The following PER2 variants were observed in gnomAD, a reference collection of about 807,000 sequenced individuals.
The protein encoded by PER2 is period circadian protein homolog 2.
Under a neutral mutation model 121.0 loss-of-function variants are expected in PER2, and 66 were observed. That is an observed-to-expected ratio of 0.55 (90% CI 0.45 to 0.67). The LOEUF (loss-of-function observed/expected upper bound fraction) is 0.67, where lower values mean the gene tolerates loss of function less well. Ranked by LOEUF, PER2 falls within the 30% of genes least tolerant of loss-of-function variation. The pLI is 0.00. For synonymous variants in PER2, 684 were observed against 659.9 expected (o/e 1.04, Z -0.56); for missense variants, 1,521 against 1,635.0 (o/e 0.93, Z 1.20).
intron 1 of PER2, among the ~76,000 whole-genome samples, chr2:238,284,918 C>G (rs2106332154): frequency 6.6e-6 from 1 of 150,780 alleles, no homozygotes; most frequent in East Asian, 2.0e-4. Context: ...TCAAAGTGGA[C>G]TTTGCCTCCT....
At position 238,249,067 on chromosome 2, in the gene PER2, C is replaced by T. The variant is rs76355956; in HGVS notation, c.3613G>A (p.Val1205Met). ...QTGGLPAAIDVAECVYCENKE... is the reference protein window; with the variant it reads ...QTGGLPAAIDMAECVYCENKE... Reference sequence around the variant, plus strand: ...ATCGAGTCCCGTGAGCTTACTGCCACGTCGATGGCTGCGGGCAGGCCGCCC... The same window carrying T: ...ATCGAGTCCCGTGAGCTTACTGCCATGTCGATGGCTGCGGGCAGGCCGCCC... Residue 1205 changes from valine to methionine, a missense_variant, in exon 22 of 23, where the codon GTG (valine) becomes ATG (methionine). Val to Met is a conservative substitution (Grantham distance 21). Coordinates refer to ENST00000254657, the MANE Select transcript of PER2 (RefSeq NM_022817.3). 1,409 of 1,614,134 alleles carry T rather than the reference C, an allele frequency of 8.7e-4. 11 individuals are homozygous for T. The East Asian group carries it at 0.015, about 17-fold the overall frequency.
the PER2 span, among the ~76,000 whole-genome samples, chr2:238,297,352 A>G: frequency 7.9e-5 from 12 of 152,288 alleles, no homozygotes; most frequent in East Asian, 2.3e-3. Context: ...TGGGGCCAGG[A>G]GTCCCCCAGG....
intron 2 of PER2, 21 bp downstream of exon 2, chr2:238,277,686 C>G: frequency 6.2e-7 from 1 of 1,613,812 alleles, no homozygotes; most frequent in South Asian, 1.1e-5. Flanking sequence ...CAGCCTCCAT[C>G]TGGCCAGAGG....
chr2:238,275,030 G>A (rs533482854), intron 4 of PER2, among the ~76,000 whole-genome samples: 1 of 152,254 alleles, frequency 6.6e-6, no homozygotes, highest in Non-Finnish European at 1.5e-5. Flanking sequence ...CTTCAAATAC[G>A]AGTTTATACC....
chr2:238,274,563 T>C (rs895758061), intron 4 of PER2, among the ~76,000 whole-genome samples: 3 of 152,240 alleles, frequency 2.0e-5, no homozygotes, highest in Non-Finnish European at 4.4e-5. Context: ...GTGAAGTTAC[T>C]GTAGAGGCCA....
chr2:238,257,229 C>T, intron 16 of PER2, 143 bp from the exon 17 acceptor site: 4 of 671,578 alleles, frequency 6.0e-6, no homozygotes, highest in East Asian at 2.7e-5. Context: ...ATGCTCTGGC[C>T]CAGGCATGGG....
At chr2:238,297,108 A>G in the PER2 span, among the ~76,000 whole-genome samples, 1 of 152,206 alleles carries the variant, frequency 6.6e-6, no homozygotes, top group Non-Finnish European at 1.5e-5. Context: ...GGAGCAAAGA[A>G]CAGGGAGGAC....
chr2:238,248,754 C>G (rs113368758), intron 22 of PER2, among the ~76,000 whole-genome samples: 17,158 of 150,488 alleles, frequency 0.11, 1,279 homozygotes, highest in Admixed American at 0.18. Context: ...CTCCGGGGTT[C>G]CCGCCATTCT....
chr2:238,255,559 G>A (rs1421202401), intron 18 of PER2, 98 bp downstream of exon 18: 1 of 1,250,210 alleles, frequency 8.0e-7, no homozygotes, highest in African/African-American at 1.5e-5. Flanking sequence ...TAATGCTTCT[G>A]AAACTGGACA....
At position 238,246,373 on chromosome 2, in the gene PER2, G is replaced by C. The variant is rs781492589; in HGVS notation, c.*2C>G. On this transcript the variant is annotated 3_prime_UTR_variant, in exon 23 of 23. Coordinates refer to ENST00000254657, the MANE Select transcript of PER2 (RefSeq NM_022817.3). ...GGCTGCCGGGCTGAGGTGGGGCAGG[G>C]GTTACGTCTGCTCTTCGATCCTGTG... is the stretch of plus-strand genomic sequence containing the variant. The C allele has an allele frequency of 2.5e-6, 4 of 1,603,300 alleles. No individual in the cohort carries two copies. In the East Asian group the frequency reaches 8.9e-5, roughly 36 times the overall value.
chr2:238,288,928 T>C (rs537257635), upstream of PER2, among the ~76,000 whole-genome samples: 82 of 152,272 alleles, frequency 5.4e-4, no homozygotes, highest in Non-Finnish European at 1.1e-3. Context: ...CCCGTCGCTC[T>C]TTTTACATAA....
At chr2:238,246,658 C>T (rs910023488) in intron 22 of PER2, 134 bp from the exon 23 acceptor site, 35 of 584,482 alleles carry the variant, frequency 6.0e-5, no homozygotes, top group Non-Finnish European at 9.1e-5. Flanking sequence ...GGGCAGATCA[C>T]GACGTCAGGA....
the PER2 span, among the ~76,000 whole-genome samples, chr2:238,296,666 G>C: frequency 2.1e-5 from 3 of 140,480 alleles, no homozygotes; most frequent in African/African-American, 5.5e-5. Flanking sequence ...TGCAGAGTCA[G>C]TCGTGTGCCC....
rs1695531670 is a variant in PER2 at position 238,249,164 on chromosome 2, T to C, written c.3516A>G (p.Leu1172=). ...CCGTGAACCTGGGCTGGAGTTTCTGTAGGAGCTTCAGCTTCTCTCTGTCCT... is the reference window on the plus strand; with the variant it reads ...CCGTGAACCTGGGCTGGAGTTTCTGCAGGAGCTTCAGCTTCTCTCTGTCCT... ...LKEDREKLKL[L]QKLQPRFTES... Residue 1172 remains leucine (L), a synonymous_variant, in exon 22 of 23, where the codon CTA becomes CTG. Transcript: ENST00000254657. 1.2e-6 allele frequency: 2 copies of C among 1,613,984 alleles called. No individual in the cohort carries two copies. Among genetic ancestry groups the C allele is most frequent in the Non-Finnish European group, 1.7e-6 (2 of 1,179,790 alleles).
intron 1 of PER2, among the ~76,000 whole-genome samples, chr2:238,287,362 T>G (rs1426238935): frequency 6.6e-6 from 1 of 152,228 alleles, no homozygotes; most frequent in African/African-American, 2.4e-5. Context: ...AATAAAGCCT[T>G]CAGGTAGAGT....
chr2:238,246,804 A>G lies in PER2; in HGVS notation c.3619-280T>C, dbSNP rs556668473. 5.9e-5 allele frequency among the ~76,000 whole-genome samples: 9 copies of G among 152,316 alleles called. No individual in the cohort carries two copies. The East Asian group carries it at 1.7e-3, about 29-fold the overall frequency. ...GGCAGAAGAATCGCTTGAACCCTGG[A>G]GGCAGAGCTTGCAGTGAGCGGAGAT... On this transcript the variant is annotated intron_variant, in intron 22 of 22. Coordinates refer to ENST00000254657, the MANE Select transcript of PER2 (RefSeq NM_022817.3).
intron 1 of PER2, among the ~76,000 whole-genome samples, chr2:238,285,373 A>G (rs1696752127): frequency 6.6e-6 from 1 of 152,206 alleles, no homozygotes; most frequent in Non-Finnish European, 1.5e-5. Context: ...GGCCAGGAGC[A>G]GAGACTACTG....
Position 238,256,913 on chromosome 2 carries a change from T to C in PER2, c.2065+9A>G, listed in dbSNP as rs775569831. The C allele has an allele frequency of 2.3e-5, 37 of 1,613,270 alleles. No individual in the cohort carries two copies. The highest frequency in any genetic ancestry group is 5.3e-5 in the African/African-American group (4 of 74,922). On this transcript the variant is annotated intron_variant, in intron 17 of 22. Transcript: ENST00000254657. ...AACTGCTCTCTGATCCAAGAGCCCA[T>C]AGTCATACCTAACTCCGGCTGCGGC...
the PER2 span, chr2:238,295,786 C>A: frequency 5.9e-6 from 1 of 170,118 alleles, no homozygotes; most frequent in South Asian, 1.3e-4. Flanking sequence ...TACCCACTCC[C>A]CAGGCCACCA....
Sources: allele counts gnomAD v4.1 joint callset (sites outside exome capture counted in the v4.1 genomes callset), GRCh38; gene constraint gnomAD v4.1.1; transcripts MANE v1.5; gene names NCBI Gene and HGNC (gene_info 2026-07-23, HGNC 2026-07-21).